LMBRD1: variants seen among roughly 807,000 people sequenced by gnomAD.
LMBRD1 encodes LMBR1 domain containing 1.
In LMBRD1, 64 loss-of-function variants were observed where a neutral mutation model predicts 74.8. That is an observed-to-expected ratio of 0.86 (90% CI 0.70 to 1.05). LMBRD1 has a LOEUF of 1.05. Ranked by LOEUF, LMBRD1 falls within the 50% of genes least tolerant of loss-of-function variation. The probability of loss-of-function intolerance (pLI) is 0.00; values close to 1 mark genes in which losing one functional copy is unlikely to be tolerated. For missense variants in LMBRD1, 652 were observed against 645.9 expected, an observed-to-expected ratio of 1.01 and a Z score of -0.10; for synonymous variants, 204 against 216.3, an observed-to-expected ratio of 0.94 and a Z score of 0.50.
chr6:69,686,009 GACAAAACAAA>G (rs1190234987), intron 14 of LMBRD1, among the ~76,000 whole-genome samples: 1 of 151,932 alleles, frequency 6.6e-6, no homozygotes, highest in Non-Finnish European at 1.5e-5. Flanking sequence ...AATAAAACAA[GACAAAACAAA>G]ACAAAAAAAC....
chr6:69,776,744 T>C (rs1408686497), intron 3 of LMBRD1, among the ~76,000 whole-genome samples: 1 of 152,220 alleles, frequency 6.6e-6, no homozygotes, highest in African/African-American at 2.4e-5. Context: ...TAAACTTGGC[T>C]GTGCTAAAAT....
intron 14 of LMBRD1, among the ~76,000 whole-genome samples, chr6:69,680,776 A>C (rs1039780343): frequency 7.9e-5 from 12 of 152,086 alleles, no homozygotes; most frequent in Non-Finnish European, 1.6e-4. Flanking sequence ...CCCATATAAA[A>C]ATTTTTGCTA....
At chr6:69,681,151 G>C (rs1582039802) in intron 14 of LMBRD1, among the ~76,000 whole-genome samples, 1 of 151,896 alleles carries the variant, frequency 6.6e-6, no homozygotes, top group Non-Finnish European at 1.5e-5. Context: ...TAAACATGGG[G>C]GAGGGGGGCT....
At chr6:69,725,536 C>T (rs993537225) in intron 7 of LMBRD1, among the ~76,000 whole-genome samples, 2 of 152,082 alleles carry the variant, frequency 1.3e-5, no homozygotes, top group Admixed American at 6.5e-5. Flanking sequence ...TAAAAACAGA[C>T]ACACGGACCA....
chr6:69,728,738 C>G (rs1766789891), intron 7 of LMBRD1, among the ~76,000 whole-genome samples: 1 of 152,162 alleles, frequency 6.6e-6, no homozygotes, highest in Non-Finnish European at 1.5e-5. Flanking sequence ...TGATCTCACT[C>G]TAATACCCAA....
At chr6:69,771,851 G>C (rs1040239561) in intron 3 of LMBRD1, among the ~76,000 whole-genome samples, 1 of 150,892 alleles carries the variant, frequency 6.6e-6, no homozygotes, top group African/African-American at 2.4e-5. Context: ...AGAGACAATG[G>C]TGTCTTAGAC....
At chr6:69,782,246 G>C (rs1305668752) in intron 2 of LMBRD1, among the ~76,000 whole-genome samples, 1 of 152,208 alleles carries the variant, frequency 6.6e-6, no homozygotes, top group Admixed American at 6.5e-5. Context: ...CTCTTACAAA[G>C]CGATAAGCTA....
intron 4 of LMBRD1, among the ~76,000 whole-genome samples, chr6:69,750,586 T>C (rs1582122608): frequency 6.6e-6 from 1 of 152,080 alleles, no homozygotes; most frequent in Non-Finnish European, 1.5e-5. Context: ...ATAGTTCTTA[T>C]TCACAAAGGG....
intron 3 of LMBRD1, among the ~76,000 whole-genome samples, chr6:69,779,509 G>A (rs990673287): frequency 6.6e-6 from 1 of 152,148 alleles, no homozygotes; most frequent in African/African-American, 2.4e-5. Flanking sequence ...GGATTAAAAT[G>A]ACTCTGTGGA....
chr6:69,755,812 A>C (rs1373813458), intron 3 of LMBRD1, among the ~76,000 whole-genome samples: 1 of 152,184 alleles, frequency 6.6e-6, no homozygotes, highest in African/African-American at 2.4e-5. Context: ...TAGGTGGAGT[A>C]AGATTTAGCT....
intron 7 of LMBRD1, among the ~76,000 whole-genome samples, chr6:69,728,772 T>C (rs1562101717): frequency 2.0e-5 from 3 of 152,194 alleles, no homozygotes; most frequent in Admixed American, 1.3e-4. Context: ...ATTCCTCTAA[T>C]TAACATCCTT....
At chr6:69,694,677 C>T (rs1765955887) in intron 14 of LMBRD1, among the ~76,000 whole-genome samples, 1 of 152,056 alleles carries the variant, frequency 6.6e-6, no homozygotes, top group Non-Finnish European at 1.5e-5. Flanking sequence ...TTCAAATTGT[C>T]CTTTGCTTTC....
intron 14 of LMBRD1, among the ~76,000 whole-genome samples, chr6:69,686,973 C>A (rs899784725): frequency 1.3e-5 from 2 of 152,134 alleles, no homozygotes; most frequent in African/African-American, 4.8e-5. Context: ...TACTATCTGG[C>A]TATTTACAGA....
intron 5 of LMBRD1, chr6:69,746,711 A>G (rs16868135): frequency 0.11 from 17,107 of 152,616 alleles, 2,703 homozygotes; most frequent in African/African-American, 0.35. Flanking sequence ...TACTAGTGAT[A>G]CTCATTCCTT....
intron 4 of LMBRD1, among the ~76,000 whole-genome samples, chr6:69,750,837 CT>C (rs1273758930): frequency 2.0e-5 from 3 of 152,044 alleles, no homozygotes; most frequent in African/African-American, 7.2e-5. Flanking sequence ...AAATACCTAA[CT>C]TTTTTTCTAG....
intron 14 of LMBRD1, among the ~76,000 whole-genome samples, chr6:69,694,123 G>A (rs1765945821): frequency 6.6e-6 from 1 of 152,038 alleles, no homozygotes; most frequent in South Asian, 2.1e-4. Context: ...ACAGTCAAGT[G>A]TATTATTTGA....
At chr6:69,718,837 T>C (rs1766549846) in intron 8 of LMBRD1, 119 bp downstream of exon 8, 5 of 1,021,424 alleles carry the variant, frequency 4.9e-6, no homozygotes. Context: ...CCAGATATGC[T>C]GCAAAAAATT....
chr6:69,726,268 A>G (rs1174943196), intron 7 of LMBRD1, among the ~76,000 whole-genome samples: 3 of 152,220 alleles, frequency 2.0e-5, no homozygotes, highest in Admixed American at 2.0e-4. Context: ...ACCCTTGTAC[A>G]CTGTTGGTGG....
chr6:69,715,579 A>T (rs1766470168), intron 8 of LMBRD1, among the ~76,000 whole-genome samples: 1 of 152,166 alleles, frequency 6.6e-6, no homozygotes, highest in African/African-American at 2.4e-5. Context: ...AAAGTAAAAC[A>T]TGAAAGCTTC....
Sources: gnomAD v4.1 joint callset for allele counts (sites outside exome capture counted in the v4.1 genomes callset) on GRCh38, gnomAD v4.1.1 for gene constraint, MANE v1.5 for transcripts, NCBI Gene and HGNC (gene_info 2026-07-23, HGNC 2026-07-21) for gene names.